ZSWIM5: variants seen among roughly 807,000 people sequenced by gnomAD.
The protein encoded by ZSWIM5 is zinc finger SWIM-type containing 5, also known as zinc finger SWIM domain-containing protein 5.
In ZSWIM5, 55 loss-of-function variants were observed where a neutral mutation model predicts 119.6. That is an observed-to-expected ratio of 0.46 (90% CI 0.37 to 0.58). The LOEUF is 0.58. Ranked by LOEUF, ZSWIM5 falls within the 20% of genes least tolerant of loss-of-function variation. ZSWIM5 has a pLI of 0.00. For missense variants in ZSWIM5, 1,193 were observed against 1,512.8 expected, an observed-to-expected ratio of 0.79 and a Z score of 3.51; for synonymous variants, 537 against 606.9, an observed-to-expected ratio of 0.88 and a Z score of 1.69.
At chr1:45,110,208 T>A (rs1442125208) in intron 1 of ZSWIM5, among the ~76,000 whole-genome samples, 1 of 152,234 alleles carries the variant, frequency 6.6e-6, no homozygotes, top group African/African-American at 2.4e-5. Flanking sequence ...AAAACAGTCA[T>A]ATTCTGAGCT....
At chr1:45,119,215 C>T (rs1019491936) in intron 1 of ZSWIM5, among the ~76,000 whole-genome samples, 8 of 152,124 alleles carry the variant, frequency 5.3e-5, no homozygotes, top group African/African-American at 1.7e-4. Context: ...TTTTTCCACC[C>T]ATTCTTTTCC....
chr1:45,102,024 G>T (rs1645442431), intron 1 of ZSWIM5, among the ~76,000 whole-genome samples: 1 of 144,078 alleles, frequency 6.9e-6, no homozygotes, highest in Non-Finnish European at 1.5e-5. Flanking sequence ...ATGTACCCTA[G>T]AACTTAAAGT....
At chr1:45,115,126 G>T (rs1295976316) in intron 1 of ZSWIM5, among the ~76,000 whole-genome samples, 4 of 152,166 alleles carry the variant, frequency 2.6e-5, no homozygotes, top group Admixed American at 6.5e-5. Context: ...AACCGCCATC[G>T]TCATCATGGC....
Position 45,190,927 on chromosome 1 carries a change from A to ATTTT in ZSWIM5, c.595+14825_595+14828dup, listed in dbSNP as rs746764436. On this transcript the variant is annotated intron_variant, in intron 1 of 13. Coordinates refer to ENST00000359600, the MANE Select transcript of ZSWIM5 (RefSeq NM_020883.2). ...TCCATGTTCGACTGAAATAGCTGGA[A>ATTTT]TTTTTTTTTTTTTTTTTTTTTTTTT... 9.5e-3 allele frequency among the ~76,000 whole-genome samples: 466 copies of ATTTT among 49,018 alleles called. 134 individuals are homozygous for ATTTT. Among genetic ancestry groups the ATTTT allele is most frequent in the East Asian group, 0.011 (13 of 1,218 alleles). 32.2% of individuals were successfully genotyped at this position (49,018 alleles called of 152,430 possible).
At position 45,022,550 on chromosome 1, in the gene ZSWIM5, T is replaced by C. The variant is rs553035101; in HGVS notation, c.2450-1762A>G. 3.3e-5 allele frequency among the ~76,000 whole-genome samples: 5 copies of C among 152,368 alleles called. No individual in the cohort carries two copies. The South Asian group carries it at 8.3e-4, about 25-fold the overall frequency. Reference sequence around the variant, plus strand: ...TAGTTGTTTTTGGGTGCCAGGATTATGCAAGAGATTCCCTTTATTCTTCTA... The same window carrying C: ...TAGTTGTTTTTGGGTGCCAGGATTACGCAAGAGATTCCCTTTATTCTTCTA... On this transcript the variant is annotated intron_variant, in intron 11 of 13. Coordinates refer to ENST00000359600, the MANE Select transcript of ZSWIM5 (RefSeq NM_020883.2).
At chr1:45,121,817 G>C (rs1272971703) in intron 1 of ZSWIM5, among the ~76,000 whole-genome samples, 2 of 151,934 alleles carry the variant, frequency 1.3e-5, no homozygotes, top group Non-Finnish European at 2.9e-5. Flanking sequence ...TAAATGACGG[G>C]GCTCAAGTGA....
At chr1:45,171,394 T>C (rs1645945171) in intron 1 of ZSWIM5, among the ~76,000 whole-genome samples, 1 of 152,078 alleles carries the variant, frequency 6.6e-6, no homozygotes, top group African/African-American at 2.4e-5. Flanking sequence ...TATTTCTTTG[T>C]TACAAGGTCA....
intron 2 of ZSWIM5, among the ~76,000 whole-genome samples, chr1:45,073,651 C>A (rs1448913755): frequency 1.3e-5 from 2 of 151,738 alleles, no homozygotes; most frequent in Non-Finnish European, 2.9e-5. Flanking sequence ...TTAGGTTTTT[C>A]CAAATATAAG....
intron 1 of ZSWIM5, among the ~76,000 whole-genome samples, chr1:45,182,971 A>C (rs1345721401): frequency 9.4e-5 from 14 of 149,640 alleles, no homozygotes; most frequent in Admixed American, 8.6e-4. Flanking sequence ...CACCACACCT[A>C]TTCCAAAATT....
At chr1:45,135,905 G>A (rs1401504479) in intron 1 of ZSWIM5, among the ~76,000 whole-genome samples, 1 of 151,648 alleles carries the variant, frequency 6.6e-6, no homozygotes, top group East Asian at 1.9e-4. Flanking sequence ...CTGTCACCCA[G>A]GCTGGAGTGC....
chr1:45,158,216 G>A (rs1645842835), intron 1 of ZSWIM5, among the ~76,000 whole-genome samples: 1 of 152,118 alleles, frequency 6.6e-6, no homozygotes, highest in Non-Finnish European at 1.5e-5. Flanking sequence ...CCAGGCTGGA[G>A]TGCTGTGGCA....
At chr1:45,020,512 C>G in intron 12 of ZSWIM5, 113 bp downstream of exon 12, 1 of 1,287,004 alleles carries the variant, frequency 7.8e-7, no homozygotes, top group Non-Finnish European at 1.1e-6. Context: ...GTGTTCTGGG[C>G]CCAAAGGAAG....
chr1:45,064,594 A>T (rs892967183), intron 2 of ZSWIM5, among the ~76,000 whole-genome samples: 1 of 152,216 alleles, frequency 6.6e-6, no homozygotes, highest in Admixed American at 6.5e-5. Context: ...GGCACTTTTT[A>T]TACATATACC....
chr1:45,030,360 C>T (rs1487537796), intron 11 of ZSWIM5, among the ~76,000 whole-genome samples: 1 of 152,150 alleles, frequency 6.6e-6, no homozygotes, highest in Non-Finnish European at 1.5e-5. Flanking sequence ...GATTCTTGTG[C>T]CTCAGCCTCC....
At chr1:45,169,282 C>G (rs74070880) in intron 1 of ZSWIM5, among the ~76,000 whole-genome samples, 2 of 151,904 alleles carry the variant, frequency 1.3e-5, no homozygotes, top group Non-Finnish European at 2.9e-5. Flanking sequence ...GGTGGGAAAA[C>G]AGACAATCTT....
At chr1:45,162,020 C>A (rs1254919210) in intron 1 of ZSWIM5, among the ~76,000 whole-genome samples, 1 of 152,188 alleles carries the variant, frequency 6.6e-6, no homozygotes, top group Non-Finnish European at 1.5e-5. Flanking sequence ...ATTACAACAG[C>A]CATCCTATGT....
chr1:45,158,804 A>G (rs758421313), intron 1 of ZSWIM5, among the ~76,000 whole-genome samples: 5 of 152,162 alleles, frequency 3.3e-5, no homozygotes, highest in African/African-American at 4.8e-5. Flanking sequence ...CAATAGTACA[A>G]ATCATTACAA....
chr1:45,129,831 A>G (rs1645644270), intron 1 of ZSWIM5, among the ~76,000 whole-genome samples: 1 of 152,224 alleles, frequency 6.6e-6, no homozygotes, highest in African/African-American at 2.4e-5. Flanking sequence ...AGAAGAATAG[A>G]AAAAAATCTT....
chr1:45,082,887 C>G (rs1016598160), intron 2 of ZSWIM5, among the ~76,000 whole-genome samples: 1 of 152,132 alleles, frequency 6.6e-6, no homozygotes, highest in African/African-American at 2.4e-5. Context: ...CAGGCCAATA[C>G]AGGTCCTGAA....
Sources: allele counts gnomAD v4.1 joint callset (sites outside exome capture counted in the v4.1 genomes callset), GRCh38; gene constraint gnomAD v4.1.1; transcripts MANE v1.5; gene names NCBI Gene and HGNC (gene_info 2026-07-23, HGNC 2026-07-21).